The following VWA5B2 variants were observed in gnomAD, a reference collection of about 807,000 sequenced individuals.
The protein encoded by VWA5B2 is von Willebrand factor A domain containing 5B2.
Under a neutral mutation model 118.5 loss-of-function variants are expected in VWA5B2, and 93 were observed. That is an observed-to-expected ratio of 0.79 (90% CI 0.66 to 0.93). VWA5B2 has a LOEUF of 0.93. Ranked by LOEUF, VWA5B2 falls within the 40% of genes least tolerant of loss-of-function variation. The probability of loss-of-function intolerance (pLI) is 0.00; values close to 1 mark genes in which losing one functional copy is unlikely to be tolerated. For missense variants in VWA5B2, 1,546 were observed against 1,672.8 expected, an observed-to-expected ratio of 0.92 and a Z score of 1.32; for synonymous variants, 708 against 716.3, an observed-to-expected ratio of 0.99 and a Z score of 0.19.
rs2942049 is a variant in VWA5B2 at position 184,242,093 on chromosome 3, C to G, written c.*55C>G. 1.3e-6 allele frequency: 2 copies of G among 1,531,816 alleles called. No individual in the cohort carries two copies. The highest frequency in any genetic ancestry group is 2.7e-5 in the African/African-American group (2 of 72,870). 94.9% of individuals were successfully genotyped at this position (1,531,816 alleles called of 1,614,324 possible). On this transcript the variant is annotated 3_prime_UTR_variant, in exon 20 of 20. Coordinates refer to ENST00000691901, the MANE Select transcript of VWA5B2 (RefSeq NM_001390846.1). Reference sequence around the variant, plus strand: ...CCCACCCAACACACTCAAGTCACTGCCGCCCAGGGCTGGCCTCTTGGTGCT... The same window carrying G: ...CCCACCCAACACACTCAAGTCACTGGCGCCCAGGGCTGGCCTCTTGGTGCT...
intron 16 of VWA5B2, 163 bp from the exon 17 acceptor site, chr3:184,240,628 T>G (rs550003603): frequency 3.1e-6 from 3 of 966,960 alleles, no homozygotes; most frequent in Non-Finnish European, 4.5e-6. Flanking sequence ...GATCACTTCT[T>G]GTCAAAGTTG....
rs368917489 is a variant in VWA5B2, at chr3:184,238,623, T to C, written c.1952T>C (p.Ile651Thr). 93 of 1,551,884 alleles carry C rather than the reference T, an allele frequency of 6.0e-5. No homozygotes were observed. The highest frequency in any genetic ancestry group is 7.1e-5 in the Non-Finnish European group (82 of 1,147,084). ...DPGPNPSDTA[I>T]WRRIFQSSYI... is the part of the protein sequence containing the mutation. ...GGACCCAACCCCTCTGACACAGCCATATGGCGCCGCATCTTTCAGTCCTCG... is the reference window on the plus strand; with the variant it reads ...GGACCCAACCCCTCTGACACAGCCACATGGCGCCGCATCTTTCAGTCCTCG... The change falls in exon 14 of 20, where the codon ATA becomes ACA. Residue 651 changes from isoleucine (I) to threonine (T), a missense_variant. Transcript: ENST00000691901. The surrounding 1 kb of genome is among the most constrained non-coding windows in gnomAD (Gnocchi z 5.0).
In VWA5B2 at chr3:184,234,923, G is replaced by T. The variant is rs1026550943; in HGVS notation, c.945+168G>T. The T allele has an allele frequency of 3.4e-6, 4 of 1,188,618 alleles. No homozygotes were observed. In the African/African-American group the frequency reaches 6.2e-5, roughly 18 times the overall value. 73.6% of individuals were successfully genotyped at this position (1,188,618 alleles called of 1,614,324 possible). A position where few individuals can be genotyped will look rare whatever the true frequency, so the allele number is the denominator to read the frequency against. ...AGAGGACAGATGAGTATTGTCATTG[G>T]AGGGCCGATGTGAATCTCTCTGGGG... On this transcript the variant is annotated intron_variant, in intron 7 of 19. Transcript: ENST00000691901.
Position 184,236,769 on chromosome 3 carries a change from C to G in VWA5B2, c.1533+20C>G. 6.7e-7 allele frequency: 1 copy of G among 1,484,932 alleles called. No individual in the cohort carries two copies. Among genetic ancestry groups the G allele is most frequent in the Non-Finnish European group, 9.0e-7 (1 of 1,111,128 alleles). The allele number at this position is 1,484,932 out of a possible 1,614,324, so 92.0% of individuals were successfully genotyped here. ...CCCATGGTGAGCTTGAGCCTGGGCC[C>G]TGTTCCCTACACCTGGAAGTTTTTC... On this transcript the variant is annotated intron_variant, in intron 11 of 19. Transcript: ENST00000691901.
At position 184,238,192 on chromosome 3, in the gene VWA5B2, T is replaced by C. The variant is rs1158869659; in HGVS notation, c.1720-111T>C. On this transcript the variant is annotated intron_variant, in intron 12 of 19. Transcript: ENST00000691901. The surrounding 1 kb of genome is among the most constrained non-coding windows in gnomAD (Gnocchi z 5.0). ...TCCTCCTTCTTTAGTACTGGTCTTT[T>C]GTTTCTGGTTTATTAGCTTTGTTGC... is the stretch of plus-strand genomic sequence containing the variant. 1.4e-5 allele frequency: 13 copies of C among 939,710 alleles called. No homozygotes were observed. In the Admixed American group the frequency reaches 3.4e-4, roughly 25 times the overall value. The allele number at this position is 939,710 out of a possible 1,614,324, so 58.2% of individuals were successfully genotyped here. A position where few individuals can be genotyped will look rare whatever the true frequency, so the allele number is the denominator to read the frequency against.
Position 184,241,401 on chromosome 3 carries a change from C to A in VWA5B2, c.3177C>A (p.Pro1059=). ...NSEGSDHDYL[P]LVRLQEAPGS... is the part of the protein sequence containing the mutation. ...AAGGCAGCGACCATGACTACCTGCCCTTGGTGAGGACTCGGGAGGTGGAGG... is the reference window on the plus strand; with the variant it reads ...AAGGCAGCGACCATGACTACCTGCCATTGGTGAGGACTCGGGAGGTGGAGG... The change falls in exon 19 of 20, where the codon CCC becomes CCA. Residue 1059 remains proline (P), a synonymous_variant. Transcript: ENST00000691901. This position sits in a 1 kb window ranked among gnomAD's most constrained non-coding sequence, Gnocchi z 5.1. 8.9e-6 allele frequency: 14 copies of A among 1,580,816 alleles called. No homozygotes were observed. Among genetic ancestry groups the A allele is most frequent in the Non-Finnish European group, 1.1e-5 (13 of 1,163,050 alleles).
chr3:184,237,211 G>C lies in VWA5B2; in HGVS notation c.1534-15G>C, dbSNP rs905883429. The C allele has an allele frequency of 7.1e-6, 11 of 1,548,434 alleles. No individual in the cohort carries two copies. Among genetic ancestry groups the C allele is most frequent in the Non-Finnish European group, 9.6e-6 (11 of 1,144,846 alleles). ...TCTTTCCTTCCCATGTCTTCCCTGT[G>C]GCCACTCCCCACAGCTGGTACAGGC... On this transcript the variant is annotated splice_polypyrimidine_tract_variant and intron_variant, in intron 11 of 19. Transcript: ENST00000691901. This position sits in a 1 kb window ranked among gnomAD's most constrained non-coding sequence, Gnocchi z 5.6.
In VWA5B2 at chr3:184,242,259, C is replaced by A; in HGVS notation, c.*221C>A. ...CTCACACTCCCCTCCATCCTCTGAG[C>A]TCCCTGCAACACAGTGGAAGGGTAG... On this transcript the variant is annotated 3_prime_UTR_variant, in exon 20 of 20. Coordinates refer to ENST00000691901, the MANE Select transcript of VWA5B2 (RefSeq NM_001390846.1). The A allele has an allele frequency of 1.4e-6, 1 of 734,484 alleles. No homozygotes were observed. The highest frequency in any genetic ancestry group is 2.3e-6 in the Non-Finnish European group (1 of 437,760). 45.5% of individuals were successfully genotyped at this position (734,484 alleles called of 1,614,324 possible).
At chr3:184,229,738 GC>G (rs1183998257) in intron 1 of VWA5B2, among the ~76,000 whole-genome samples, 25 bp downstream of exon 1, 1 of 152,174 alleles carries the variant, frequency 6.6e-6, no homozygotes. Flanking sequence ...GCCACAGGGA[GC>G]GGGGCGATCC....
rs1387103145 is a variant in VWA5B2 at position 184,241,945 on chromosome 3, C to G, written c.3636C>G (p.Leu1212=). 1.9e-6 allele frequency: 3 copies of G among 1,549,348 alleles called. No homozygotes were observed. Among genetic ancestry groups the G allele is most frequent in the Admixed American group, 3.9e-5 (2 of 50,958 alleles). The part of the protein sequence containing the change: ...HLPDGLDLAA[L]KAAARGLFLL... ...CTGACGGCCTTGACCTGGCCGCCCT[C>G]AAGGCCGCAGCCCGAGGGCTCTTCC... The change falls in exon 20 of 20, where the codon CTC becomes CTG. Residue 1212 remains leucine, a synonymous_variant. Coordinates refer to ENST00000691901, the MANE Select transcript of VWA5B2 (RefSeq NM_001390846.1). This position sits in a 1 kb window ranked among gnomAD's most constrained non-coding sequence, Gnocchi z 5.1.
In VWA5B2 at chr3:184,230,837, G is replaced by A. The variant is rs1386114120; in HGVS notation, c.230G>A (p.Ser77Asn). The A allele has an allele frequency of 8.0e-7, 1 of 1,247,536 alleles. No homozygotes were observed. The highest frequency in any genetic ancestry group is 3.3e-5 in the East Asian group (1 of 30,070). The allele number at this position is 1,247,536 out of a possible 1,614,324, so 77.3% of individuals were successfully genotyped here. A position where few individuals can be genotyped will look rare whatever the true frequency, so the allele number is the denominator to read the frequency against. ...AGRRVSFQLQ[S>N]RRRSQAACCR... The stretch of plus-strand genomic sequence containing the variant: ...CGGCGCGTCTCCTTCCAGCTGCAGA[G>A]CCGGCGCCGCTCGCAGGCCGCCTGC... Residue 77 changes from serine to asparagine, a missense_variant, in exon 3 of 20, where the codon AGC (serine) becomes AAC (asparagine). Ser to Asn is a conservative substitution (Grantham distance 46). Coordinates refer to ENST00000691901, the MANE Select transcript of VWA5B2 (RefSeq NM_001390846.1).
Position 184,233,765 on chromosome 3 carries a change from C to G in VWA5B2, c.688+32C>G. On this transcript the variant is annotated intron_variant, in intron 5 of 19. Transcript: ENST00000691901. This position sits in a 1 kb window ranked among gnomAD's most constrained non-coding sequence, Gnocchi z 5.2. ...GCATCTGGCTGGCCTGCCCTCTTTT[C>G]AGATGCCCACTCCACCCAGTGTAGT... 1 of 1,546,708 alleles carries G rather than the reference C, an allele frequency of 6.5e-7. No homozygotes were observed. Among genetic ancestry groups the G allele is most frequent in the Non-Finnish European group, 8.7e-7 (1 of 1,145,548 alleles).
Position 184,233,421 on chromosome 3 carries a change from C to T in VWA5B2, c.530+24C>T, listed in dbSNP as rs766649763. On this transcript the variant is annotated intron_variant, in intron 4 of 19. Transcript: ENST00000691901. The surrounding 1 kb of genome is among the most constrained non-coding windows in gnomAD (Gnocchi z 5.2). ...AGGTTGGGCCTATGGTGATTCTCTT[C>T]GTCCCTCCCTCGGCTTCTCTGGGTC... 11 of 1,506,428 alleles carry T rather than the reference C, an allele frequency of 7.3e-6. No individual in the cohort carries two copies. The highest frequency in any genetic ancestry group is 1.4e-5 in the African/African-American group (1 of 71,574). The allele number at this position is 1,506,428 out of a possible 1,614,324, so 93.3% of individuals were successfully genotyped here.
intron 6 of VWA5B2, 73 bp from the exon 7 acceptor site, chr3:184,234,558 T>C (rs1003291532): frequency 6.5e-7 from 1 of 1,533,744 alleles, no homozygotes; most frequent in Non-Finnish European, 8.8e-7. Flanking sequence ...AGGCTCCTCC[T>C]GGACAGTGAA....
In VWA5B2 at chr3:184,241,483, T is replaced by C; in HGVS notation, c.3181-7T>C. The C allele has an allele frequency of 3.9e-6, 6 of 1,552,492 alleles. No individual in the cohort carries two copies. The highest frequency in any genetic ancestry group is 5.2e-6 in the Non-Finnish European group (6 of 1,146,940). Reference sequence around the variant, plus strand: ...CTCGCTTCTCCCCCCACCTCCTCTCTCCTCAGGTGCGGCTGCAGGAGGCAC... The same window carrying C: ...CTCGCTTCTCCCCCCACCTCCTCTCCCCTCAGGTGCGGCTGCAGGAGGCAC... On this transcript the variant is annotated splice_region_variant and splice_polypyrimidine_tract_variant and intron_variant, in intron 19 of 19. Coordinates refer to ENST00000691901, the MANE Select transcript of VWA5B2 (RefSeq NM_001390846.1). The surrounding 1 kb of genome is among the most constrained non-coding windows in gnomAD (Gnocchi z 5.1).
chr3:184,239,696 G>A lies in VWA5B2; in HGVS notation c.2400G>A (p.Leu800=). ...GCTGTCTTGCCTCCCCAGGAAACCT[G>A]CTCTCCCCAGCCCCTATGGACTGGG... The part of the protein sequence containing the change: ...LGQGLDDSGN[L]LSPAPMDWDM... Residue 800 remains leucine, a synonymous_variant, in exon 16 of 20, where the codon CTG becomes CTA. Coordinates refer to ENST00000691901, the MANE Select transcript of VWA5B2 (RefSeq NM_001390846.1). The surrounding 1 kb of genome is among the most constrained non-coding windows in gnomAD (Gnocchi z 5.1). 6.8e-7 allele frequency: 1 copy of A among 1,467,854 alleles called. No individual in the cohort carries two copies. The highest frequency in any genetic ancestry group is 1.4e-5 in the South Asian group (1 of 70,618). The allele number at this position is 1,467,854 out of a possible 1,614,324, so 90.9% of individuals were successfully genotyped here. A position where few individuals can be genotyped will look rare whatever the true frequency, so the allele number is the denominator to read the frequency against.
At chr3:184,235,086 C>A in intron 7 of VWA5B2, 67 bp from the exon 8 acceptor site, 1 of 1,511,784 alleles carries the variant, frequency 6.6e-7, no homozygotes, top group South Asian at 1.2e-5. Context: ...AGAGCCAGTC[C>A]CACTGCCCAC....
At chr3:184,230,225 C>T (rs1291840207) in intron 1 of VWA5B2, among the ~76,000 whole-genome samples, 155 bp from the exon 2 acceptor site, 3 of 152,270 alleles carry the variant, frequency 2.0e-5, no homozygotes, top group East Asian at 3.9e-4. Flanking sequence ...TGACCGCCCC[C>T]ACCCCCGGGG....
rs112534894 is a variant in VWA5B2, at chr3:184,234,342, A to G, written c.765A>G (p.Thr255=). The G allele has an allele frequency of 0.02, 30,895 of 1,551,632 alleles. 369 individuals are homozygous for G. Among genetic ancestry groups the G allele is most frequent in the Non-Finnish European group, 0.024 (27,082 of 1,146,982 alleles). Residue 255 remains threonine (T), a synonymous_variant, in exon 6 of 20, where the codon ACA becomes ACG. Coordinates refer to ENST00000691901, the MANE Select transcript of VWA5B2 (RefSeq NM_001390846.1). ...GCTCTGCAGCCACCATCTGTGTCAC[A>G]CTGGCAGAGGGCCACCACTGTGACC... is the stretch of plus-strand genomic sequence containing the variant. ...HASSAATICV[T]LAEGHHCDRA...
Sources: gnomAD v4.1 joint callset for allele counts (sites outside exome capture counted in the v4.1 genomes callset) on GRCh38, gnomAD v4.1.1 for gene constraint, Gnocchi (gnomAD v3.1) non-coding constraint, MANE v1.5 for transcripts, NCBI Gene and HGNC (gene_info 2026-07-23, HGNC 2026-07-21) for gene names.